Variants in NTRK3 observed in about 807,000 individuals in gnomAD.
NTRK3 encodes the protein neurotrophic receptor tyrosine kinase 3, also known as NT-3 growth factor receptor.
In NTRK3, 24 loss-of-function variants were observed where a neutral mutation model predicts 91.7. That is an observed-to-expected ratio of 0.26 (90% CI 0.19 to 0.37). The LOEUF (loss-of-function observed/expected upper bound fraction) is 0.37. Among genes scored for constraint, NTRK3 ranks in the 10% least tolerant of loss-of-function variants. The pLI is 1.00. For missense variants in NTRK3, 880 were observed against 1,068.9 expected (o/e 0.82, Z 2.46); for synonymous variants, 483 against 404.0 (o/e 1.20, Z -2.34).
intron 3 of NTRK3, among the ~76,000 whole-genome samples, chr15:88,247,012 T>G (rs1164450013): frequency 1.3e-5 from 2 of 151,828 alleles, no homozygotes; most frequent in Non-Finnish European, 2.9e-5. Context: ...CCACCAGGAG[T>G]GTAGCCGCAG....
At chr15:87,904,509 G>A (rs1018896152) in intron 17 of NTRK3, among the ~76,000 whole-genome samples, 5 of 151,950 alleles carry the variant, frequency 3.3e-5, no homozygotes, top group Non-Finnish European at 7.4e-5. Flanking sequence ...TTTTTTCTTA[G>A]GTTCATCTCA....
At chr15:88,093,033 G>GT (rs545742984) in intron 13 of NTRK3, among the ~76,000 whole-genome samples, 3,630 of 119,926 alleles carry the variant, frequency 0.03, 56 homozygotes, top group South Asian at 0.061. Flanking sequence ...TTTGTTTCTG[G>GT]TTTTTTTTTT....
intron 13 of NTRK3, among the ~76,000 whole-genome samples, chr15:88,121,197 C>T (rs1238453267): frequency 6.6e-6 from 1 of 152,158 alleles, no homozygotes; most frequent in Non-Finnish European, 1.5e-5. Flanking sequence ...TTGATGCTCA[C>T]CTTATATGAA....
intron 17 of NTRK3, among the ~76,000 whole-genome samples, chr15:87,914,152 T>C (rs1340435714): frequency 6.6e-6 from 1 of 152,186 alleles, no homozygotes; most frequent in Admixed American, 6.5e-5. Context: ...ACTTTCACAT[T>C]ATGATCCAGC....
chr15:87,981,648 T>C (rs2074285204), intron 14 of NTRK3, among the ~76,000 whole-genome samples: 1 of 152,194 alleles, frequency 6.6e-6, no homozygotes, highest in South Asian at 2.1e-4. Context: ...CCTAACATAT[T>C]TGCCCCCCAT....
chr15:88,214,635 C>T (rs760982867), intron 3 of NTRK3, among the ~76,000 whole-genome samples: 64 of 145,794 alleles, frequency 4.4e-4, no homozygotes, highest in Non-Finnish European at 8.2e-4. Flanking sequence ...GGGCTAGGAC[C>T]ATTTGAGCCA....
chr15:87,941,518 G>C (rs1406708680), intron 14 of NTRK3, among the ~76,000 whole-genome samples: 1 of 151,696 alleles, frequency 6.6e-6, no homozygotes, highest in East Asian at 1.9e-4. Flanking sequence ...GGTTTTTGTG[G>C]TAACATAAAG....
chr15:87,924,125 G>A (rs770585840), intron 17 of NTRK3, among the ~76,000 whole-genome samples: 5 of 152,006 alleles, frequency 3.3e-5, no homozygotes, highest in East Asian at 1.9e-4. Flanking sequence ...CAGAAAATGC[G>A]TGTGATAGGG....
At chr15:88,062,151 A>G (rs2046279014) in intron 13 of NTRK3, among the ~76,000 whole-genome samples, 1 of 152,190 alleles carries the variant, frequency 6.6e-6, no homozygotes, top group African/African-American at 2.4e-5. Flanking sequence ...CAAATACTGT[A>G]CCATTTTACA....
At chr15:88,014,359 T>G (rs549334437) in intron 14 of NTRK3, among the ~76,000 whole-genome samples, 1 of 152,336 alleles carries the variant, frequency 6.6e-6, no homozygotes, top group African/African-American at 2.4e-5. Context: ...TCCAAATCCT[T>G]ATGCAGTTTA....
intron 3 of NTRK3, among the ~76,000 whole-genome samples, chr15:88,229,215 A>G (rs1314461810): frequency 6.6e-6 from 1 of 152,216 alleles, no homozygotes. Flanking sequence ...AGCCTGTCTG[A>G]TTACATACAT....
chr15:87,903,959 C>T (rs1411892686), intron 17 of NTRK3, among the ~76,000 whole-genome samples: 3 of 152,152 alleles, frequency 2.0e-5, no homozygotes, highest in Non-Finnish European at 4.4e-5. Context: ...GGAAAACACT[C>T]GCATGCCAAG....
chr15:88,090,140 C>T (rs1208876401), intron 13 of NTRK3, among the ~76,000 whole-genome samples: 1 of 152,194 alleles, frequency 6.6e-6, no homozygotes, highest in African/African-American at 2.4e-5. Flanking sequence ...ATCCCAAAGA[C>T]CTCCCAGCCC....
chr15:88,152,254 T>C (rs1315073904), intron 5 of NTRK3, among the ~76,000 whole-genome samples: 1 of 152,104 alleles, frequency 6.6e-6, no homozygotes. Flanking sequence ...TGAGCTGAGA[T>C]TGCGCCATTG....
chr15:88,170,942 G>C (rs2045454646), intron 5 of NTRK3, among the ~76,000 whole-genome samples: 1 of 152,086 alleles, frequency 6.6e-6, no homozygotes, highest in Non-Finnish European at 1.5e-5. Flanking sequence ...TTCCACCCCA[G>C]GCCCTCTAGA....
At chr15:87,926,393 A>C (rs939292475) in intron 17 of NTRK3, among the ~76,000 whole-genome samples, 1 of 152,206 alleles carries the variant, frequency 6.6e-6, no homozygotes, top group Admixed American at 6.5e-5. Context: ...ATTTACTGTA[A>C]GAGTTATCCT....
chr15:88,154,346 T>TGTCACCAAGGCCTGCTGCC (rs2043687211), intron 5 of NTRK3, among the ~76,000 whole-genome samples: 1 of 152,094 alleles, frequency 6.6e-6, no homozygotes, highest in African/African-American at 2.4e-5. Context: ...CATATAATCT[T>TGTCACCAAGGCCTGCTGCC]GTCACCAAGG....
intron 13 of NTRK3, among the ~76,000 whole-genome samples, chr15:88,066,663 T>C (rs1056305294): frequency 1.3e-5 from 2 of 152,158 alleles, no homozygotes; most frequent in Non-Finnish European, 2.9e-5. Context: ...ATCCCAGCTG[T>C]CCATCACCCG....
chr15:88,164,913 C>A (rs545802813), intron 5 of NTRK3, among the ~76,000 whole-genome samples: 170 of 152,240 alleles, frequency 1.1e-3, no homozygotes, highest in African/African-American at 4.0e-3. Flanking sequence ...ATGCCTACAC[C>A]CCATGGCCTC....
Sources: gnomAD v4.1 joint callset for allele counts (sites outside exome capture counted in the v4.1 genomes callset) on GRCh38, gnomAD v4.1.1 for gene constraint, MANE v1.5 for transcripts, NCBI Gene and HGNC (gene_info 2026-07-23, HGNC 2026-07-21) for gene names.